Variants in GLRA2 observed in about 807,000 individuals in gnomAD.
The protein encoded by GLRA2 is glycine receptor subunit alpha-2.
GLRA2 carries 11 observed loss-of-function variants against 31.6 expected under a neutral mutation model. The ratio of observed to expected loss-of-function variants is 0.35; its 90% confidence interval spans 0.22 to 0.58. The LOEUF (loss-of-function observed/expected upper bound fraction) is 0.58. Ranked by LOEUF, GLRA2 falls within the 20% of genes least tolerant of loss-of-function variation. GLRA2 has a pLI of 0.84. For missense variants in GLRA2, 212 were observed against 351.8 expected, an observed-to-expected ratio of 0.60 and a Z score of 3.18; for synonymous variants, 132 against 134.0, an observed-to-expected ratio of 0.99 and a Z score of 0.10.
intron 7 of GLRA2, 98 bp from the exon 8 acceptor site, chrX:14,690,612 C>G: frequency 6.9e-6 from 4 of 582,543 alleles, no homozygotes; most frequent in Non-Finnish European, 1.1e-5. Context: ...TTTTGCTGCT[C>G]ACACCATTAA....
At chrX:14,605,775 C>A (rs2090326699) in intron 5 of GLRA2, among the ~76,000 whole-genome samples, 1 of 111,865 alleles carries the variant, frequency 8.9e-6, no homozygotes, top group South Asian at 3.7e-4. Context: ...TTCATCCCCA[C>A]CTCTTTACCT....
At chrX:14,655,596 T>C (rs2090931709) in intron 7 of GLRA2, among the ~76,000 whole-genome samples, 1 of 112,027 alleles carries the variant, frequency 8.9e-6, no homozygotes, top group Non-Finnish European at 1.9e-5. Flanking sequence ...TGATGTCCAC[T>C]GTTCCCTAGA....
chrX:14,555,443 C>T (rs1258994652), intron 2 of GLRA2, among the ~76,000 whole-genome samples: 1 of 110,895 alleles, frequency 9.0e-6, no homozygotes, highest in East Asian at 2.8e-4. Context: ...TCTTTTTAGC[C>T]CTGAAGTTTA....
Position 14,730,891 on chromosome X carries a change from TACACACACACAC to T in GLRA2, c.*454_*465del, listed in dbSNP as rs55910036. 27,892 of 97,223 alleles carry T rather than the reference TACACACACACAC, an allele frequency of 0.29. 4,734 individuals carry two copies. Among genetic ancestry groups the T allele is most frequent in the Non-Finnish European group, 0.33 (17,334 of 53,006 alleles). The allele number at this position is 97,223 out of a possible 1,213,427, so 8.0% of individuals were successfully genotyped here. The stretch of plus-strand genomic sequence containing the variant: ...AATTCTGGTACTGAAAAGTTAGCTA[TACACACACACAC>T]ACACACACACACACACACACACACA... On this transcript the variant is annotated 3_prime_UTR_variant, in exon 9 of 9. Transcript: ENST00000218075.
chrX:14,601,028 T>A (rs1023662855), intron 4 of GLRA2, among the ~76,000 whole-genome samples: 4 of 110,600 alleles, frequency 3.6e-5, no homozygotes, highest in African/African-American at 6.5e-5. Context: ...TTTGTTTACT[T>A]TTTTTTGGTT....
chrX:14,721,289 G>A (rs1489925126), intron 8 of GLRA2, among the ~76,000 whole-genome samples: 2 of 107,194 alleles, frequency 1.9e-5, no homozygotes, highest in African/African-American at 6.9e-5. Flanking sequence ...TAATAATAAT[G>A]TACATTTCAA....
chrX:14,467,162 A>T, the GLRA2 span, among the ~76,000 whole-genome samples: 1 of 112,806 alleles, frequency 8.9e-6, no homozygotes, highest in South Asian at 3.6e-4. Context: ...CACAATATTT[A>T]AAAGCTCACA....
chrX:14,502,458 T>C, the GLRA2 span, among the ~76,000 whole-genome samples: 2 of 111,899 alleles, frequency 1.8e-5, no homozygotes, highest in African/African-American at 6.5e-5. Flanking sequence ...CAGTTGCTCA[T>C]TTGCTTAACA....
At chrX:14,532,481 G>A (rs2089270306) in intron 2 of GLRA2, 109 bp downstream of exon 2, 1 of 441,330 alleles carries the variant, frequency 2.3e-6, no homozygotes, top group Non-Finnish European at 3.6e-6. Context: ...AAAATGACAA[G>A]TATAGTGTTC....
At chrX:14,495,344 C>T in the GLRA2 span, among the ~76,000 whole-genome samples, 11 of 110,592 alleles carry the variant, frequency 9.9e-5, 1 homozygote, top group South Asian at 2.3e-3. Context: ...ATAATGCAGG[C>T]GAATGGACAT....
At chrX:14,506,760 T>G in the GLRA2 span, among the ~76,000 whole-genome samples, 1 of 111,457 alleles carries the variant, frequency 9.0e-6, no homozygotes, top group Non-Finnish European at 1.9e-5. Flanking sequence ...TCCCAGAGGA[T>G]GAAGACCCTC....
chrX:14,463,382 GA>G, the GLRA2 span, among the ~76,000 whole-genome samples: 1 of 111,608 alleles, frequency 9.0e-6, no homozygotes, highest in Non-Finnish European at 1.9e-5. Context: ...GCTCTCTTCA[GA>G]GCTGTCAGGC....
chrX:14,473,116 G>A, the GLRA2 span, among the ~76,000 whole-genome samples: 3 of 111,404 alleles, frequency 2.7e-5, no homozygotes, highest in African/African-American at 9.8e-5. Flanking sequence ...AGAGGAGATT[G>A]GGGGGAAAGT....
the GLRA2 span, among the ~76,000 whole-genome samples, chrX:14,490,801 A>T: frequency 1.3e-4 from 14 of 111,629 alleles, no homozygotes; most frequent in Non-Finnish European, 2.3e-4. Context: ...TGGGGGAAAA[A>T]CTTTATTGCC....
the GLRA2 span, among the ~76,000 whole-genome samples, chrX:14,460,929 T>C: frequency 9.0e-6 from 1 of 111,452 alleles, no homozygotes; most frequent in Non-Finnish European, 1.9e-5. Flanking sequence ...CTTGCTTCTC[T>C]AGTTCTTTTA....
intron 2 of GLRA2, among the ~76,000 whole-genome samples, chrX:14,571,574 T>G (rs2089883620): frequency 8.9e-6 from 1 of 111,765 alleles, no homozygotes; most frequent in Non-Finnish European, 1.9e-5. Context: ...AGAAAATTAA[T>G]GATCTTTATG....
chrX:14,518,608 A>T, the GLRA2 span, among the ~76,000 whole-genome samples: 4 of 111,444 alleles, frequency 3.6e-5, no homozygotes, highest in African/African-American at 1.3e-4. Context: ...TTCTCATTCA[A>T]TTTATGTACT....
chrX:14,653,211 T>G (rs903957760), intron 7 of GLRA2, among the ~76,000 whole-genome samples: 2 of 111,876 alleles, frequency 1.8e-5, no homozygotes, highest in African/African-American at 6.5e-5. Flanking sequence ...ATTTTCAACT[T>G]TCAATTCTTA....
the GLRA2 span, among the ~76,000 whole-genome samples, chrX:14,522,079 G>A: frequency 3.6e-5 from 4 of 111,820 alleles, no homozygotes; most frequent in South Asian, 1.1e-3. Flanking sequence ...AATGATGTTT[G>A]ATAACATTTT....
Sources: gnomAD v4.1 joint callset for allele counts (sites outside exome capture counted in the v4.1 genomes callset) on GRCh38, gnomAD v4.1.1 for gene constraint, MANE v1.5 for transcripts, NCBI Gene and HGNC (gene_info 2026-07-23, HGNC 2026-07-21) for gene names.